The following ERC2 variants were observed in gnomAD, a reference collection of about 807,000 sequenced individuals.
ERC2 encodes the protein ERC protein 2.
ERC2 carries 42 observed loss-of-function variants against 114.8 expected under a neutral mutation model. The ratio of observed to expected loss-of-function variants is 0.37; its 90% CI spans 0.29 to 0.47. The LOEUF (loss-of-function observed/expected upper bound fraction) is 0.47, where lower values mean the gene tolerates loss of function less well. Among genes scored for constraint, ERC2 ranks in the 20% least tolerant of loss-of-function variants. ERC2 has a pLI of 0.99. For synonymous variants in ERC2, 454 were observed against 425.5 expected (o/e 1.07, Z -0.82); for missense variants, 939 against 1,150.7 (o/e 0.82, Z 2.66).
At chr3:55,665,556 A>G (rs908736675) in intron 17 of ERC2, among the ~76,000 whole-genome samples, 6 of 152,218 alleles carry the variant, frequency 3.9e-5, no homozygotes, top group African/African-American at 1.4e-4. Flanking sequence ...GAAAATGAAG[A>G]CAGAGATCAG....
intron 10 of ERC2, among the ~76,000 whole-genome samples, chr3:55,996,822 G>C (rs2071550722): frequency 6.6e-6 from 1 of 152,178 alleles, no homozygotes; most frequent in Admixed American, 6.5e-5. Context: ...AGTTATTTTA[G>C]TGAAAGAATT....
At chr3:56,220,844 A>T (rs1322690272) in intron 3 of ERC2, among the ~76,000 whole-genome samples, 1 of 152,184 alleles carries the variant, frequency 6.6e-6, no homozygotes, top group African/African-American at 2.4e-5. Flanking sequence ...TCTGCTTCCT[A>T]CTAAGACTCT....
At chr3:55,985,544 G>C (rs1387348358) in intron 12 of ERC2, among the ~76,000 whole-genome samples, 1 of 152,196 alleles carries the variant, frequency 6.6e-6, no homozygotes, top group Non-Finnish European at 1.5e-5. Flanking sequence ...AGTCTGAACA[G>C]TTTGCACTGT....
intron 13 of ERC2, among the ~76,000 whole-genome samples, chr3:55,913,413 C>A (rs2064923787): frequency 2.0e-5 from 3 of 152,028 alleles, no homozygotes; most frequent in African/African-American, 7.2e-5. Flanking sequence ...GAGAAATTCC[C>A]AGAAAGCTAC....
At chr3:56,330,030 T>C (rs1203186690) in intron 2 of ERC2, among the ~76,000 whole-genome samples, 1 of 147,322 alleles carries the variant, frequency 6.8e-6, no homozygotes, top group Non-Finnish European at 1.5e-5. Flanking sequence ...CAATATATAT[T>C]TCCACAGCTA....
At position 55,508,776 on chromosome 3, in the gene ERC2, CA is replaced by C. The variant is rs1431872698; in HGVS notation, c.*2539del. 16 of 152,426 alleles carry C rather than the reference CA, an allele frequency of 1.0e-4. No homozygotes were observed. The highest frequency in any genetic ancestry group is 1.0e-3 in the Admixed American group (16 of 15,254). 9.4% of individuals were successfully genotyped at this position (152,426 alleles called of 1,614,324 possible). A position where few individuals can be genotyped will look rare whatever the true frequency, so the allele number is the denominator to read the frequency against. ...GCTGTTAACGTGCATACTGGATACA[CA>C]AAAATCATTAAATACAAAATTGAGA... On this transcript the variant is annotated 3_prime_UTR_variant, in exon 18 of 18. Transcript: ENST00000288221.
At chr3:56,047,028 G>C (rs1560083903) in intron 7 of ERC2, among the ~76,000 whole-genome samples, 1 of 152,184 alleles carries the variant, frequency 6.6e-6, no homozygotes, top group Non-Finnish European at 1.5e-5. Context: ...TGACGCTGAA[G>C]AAAACATAAA....
At chr3:55,677,428 A>T (rs1302972128) in intron 17 of ERC2, among the ~76,000 whole-genome samples, 1 of 152,134 alleles carries the variant, frequency 6.6e-6, no homozygotes, top group African/African-American at 2.4e-5. Context: ...CAACAACCCC[A>T]GTATCAACCA....
At chr3:56,204,756 C>A (rs989663591) in intron 3 of ERC2, among the ~76,000 whole-genome samples, 9 of 152,052 alleles carry the variant, frequency 5.9e-5, no homozygotes, top group Non-Finnish European at 8.8e-5. Flanking sequence ...CTGCCTCAGC[C>A]TCCCAAAGTG....
chr3:56,455,512 G>T (rs1364774448), intron 1 of ERC2, among the ~76,000 whole-genome samples: 2 of 151,914 alleles, frequency 1.3e-5, no homozygotes, highest in Non-Finnish European at 1.5e-5. Context: ...TTTGTCTCAG[G>T]GTCTGCTTCT....
chr3:56,299,284 C>G (rs1020511912), intron 2 of ERC2, among the ~76,000 whole-genome samples: 2 of 151,470 alleles, frequency 1.3e-5, no homozygotes, highest in Non-Finnish European at 2.9e-5. Context: ...CCCGCCATCA[C>G]GCCCAGCTAA....
chr3:55,806,351 A>G (rs2059492464), intron 14 of ERC2, among the ~76,000 whole-genome samples: 1 of 151,710 alleles, frequency 6.6e-6, no homozygotes, highest in African/African-American at 2.4e-5. Context: ...AGCAAAGAAG[A>G]AAAAAGAAGG....
chr3:56,295,358 A>G (rs2055361104), intron 3 of ERC2, among the ~76,000 whole-genome samples: 1 of 152,144 alleles, frequency 6.6e-6, no homozygotes, highest in African/African-American at 2.4e-5. Context: ...GCTCTACCCA[A>G]CCACATATTC....
chr3:55,850,845 AAC>A (rs61573924), intron 14 of ERC2, among the ~76,000 whole-genome samples: 4,417 of 125,764 alleles, frequency 0.035, 91 homozygotes, highest in East Asian at 0.066. Context: ...CTCTTTTTCA[AAC>A]ACACACACAC....
At chr3:55,839,246 T>A (rs1361834028) in intron 14 of ERC2, among the ~76,000 whole-genome samples, 1 of 151,672 alleles carries the variant, frequency 6.6e-6, no homozygotes, top group African/African-American at 2.4e-5. Flanking sequence ...AAAATTACCT[T>A]CAAACTGAAG....
chr3:55,695,969 T>C (rs2062907638), intron 16 of ERC2, among the ~76,000 whole-genome samples: 1 of 152,198 alleles, frequency 6.6e-6, no homozygotes, highest in African/African-American at 2.4e-5. Flanking sequence ...AGAGTTGTAA[T>C]ATGGAGCACT....
chr3:55,870,127 T>A (rs1046769094), intron 14 of ERC2, among the ~76,000 whole-genome samples: 2 of 151,828 alleles, frequency 1.3e-5, no homozygotes, highest in African/African-American at 2.4e-5. Context: ...CAGGCTGGAG[T>A]GCAGTGGTAT....
At chr3:56,328,903 G>C (rs1207000711) in intron 2 of ERC2, among the ~76,000 whole-genome samples, 1 of 152,224 alleles carries the variant, frequency 6.6e-6, no homozygotes, top group Admixed American at 6.5e-5. Context: ...GTTTGGAAAA[G>C]TACAGGAGCA....
intron 12 of ERC2, among the ~76,000 whole-genome samples, chr3:55,966,687 T>C (rs2068770199): frequency 1.3e-5 from 2 of 152,136 alleles, no homozygotes; most frequent in South Asian, 4.1e-4. Flanking sequence ...CATGTCACTT[T>C]CCTAACTGAA....
Sources: gnomAD v4.1 joint callset for allele counts (sites outside exome capture counted in the v4.1 genomes callset) on GRCh38, gnomAD v4.1.1 for gene constraint, MANE v1.5 for transcripts, NCBI Gene and HGNC (gene_info 2026-07-23, HGNC 2026-07-21) for gene names.